The following NLRP2 variants were observed in gnomAD, a reference collection of about 807,000 sequenced individuals.
NLRP2 encodes NLR family pyrin domain containing 2, also known as NACHT, LRR and PYD domains-containing protein 2.
NLRP2 carries 107 observed loss-of-function variants against 97.2 expected under a neutral mutation model. The ratio of observed to expected loss-of-function variants is 1.10; its 90% CI spans 0.94 to 1.29. The LOEUF is 1.29. Among genes scored for constraint, NLRP2 ranks in the 50% most tolerant of loss-of-function variants. The probability of loss-of-function intolerance (pLI) is 0.00; values close to 1 mark genes in which losing one functional copy is unlikely to be tolerated. For synonymous variants in NLRP2, 663 were observed against 551.5 expected (o/e 1.20, Z -2.83); for missense variants, 1,495 against 1,330.3 (o/e 1.12, Z -1.93).
intron 8 of NLRP2, among the ~76,000 whole-genome samples, chr19:54,988,387 G>T (rs1481704884): frequency 6.6e-6 from 1 of 152,004 alleles, no homozygotes; most frequent in Non-Finnish European, 1.5e-5. Flanking sequence ...CTGCCTCCCG[G>T]GTTCAAGTGA....
chr19:54,977,665 A>G (rs1358553081), intron 3 of NLRP2, 87 bp from the exon 4 acceptor site: 1 of 1,259,238 alleles, frequency 7.9e-7, no homozygotes, highest in African/African-American at 1.5e-5. Flanking sequence ...AGGCTTCACT[A>G]CTGAGACTCA....
chr19:55,000,270 C>CTTT lies in NLRP2; in HGVS notation c.3051-453_3051-451dup, dbSNP rs1157138794. ...CCAGCTTGGGCAACAGAGAGACTGT[C>CTTT]TTTTTTTTTTTTTTTTTTTTTTTTT... On this transcript the variant is annotated intron_variant, in intron 12 of 12. Transcript: ENST00000448584. Among the ~76,000 whole-genome samples the CTTT allele has an allele frequency of 2.5e-3, 90 of 36,024 alleles. 33 individuals carry two copies. The highest frequency in any genetic ancestry group is 8.9e-3 in the East Asian group (6 of 674). The allele number at this position is 36,024 out of a possible 152,430, so 23.6% of individuals were successfully genotyped here.
chr19:54,982,834 T>C lies in NLRP2; in HGVS notation c.1136T>C (p.Met379Thr), dbSNP rs750160790. 8.1e-6 allele frequency: 13 copies of C among 1,613,512 alleles called. No individual in the cohort carries two copies. The South Asian group carries it at 9.9e-5, about 12-fold the overall frequency. ...LRHFGDEDQA[M>T]RAFELMRSNA... The stretch of plus-strand genomic sequence containing the variant: ...CACTTTGGAGACGAGGACCAAGCCA[T>C]GCGTGCCTTTGAGCTAATGAGGAGC... The change falls in exon 6 of 13, where the codon ATG (methionine) becomes ACG (threonine). Residue 379 changes from methionine (M) to threonine (T), a missense_variant. Physicochemically the swap from Met to Thr is moderately conservative, Grantham distance 81. Coordinates refer to ENST00000448584, the MANE Select transcript of NLRP2 (RefSeq NM_017852.5).
intron 3 of NLRP2, among the ~76,000 whole-genome samples, chr19:54,975,919 A>G (rs887535179): frequency 6.7e-6 from 1 of 148,480 alleles, no homozygotes; most frequent in South Asian, 2.1e-4. Flanking sequence ...CCTGACTAAT[A>G]TTTGTATTTT....
intron 12 of NLRP2, 115 bp from the exon 13 acceptor site, chr19:55,000,645 T>A: frequency 2.0e-6 from 2 of 1,001,996 alleles, no homozygotes; most frequent in Non-Finnish European, 3.1e-6. Context: ...CCTAGAATAA[T>A]CAGGAAAGGT....
At chr19:54,995,679 A>AT (rs2072769368) in intron 11 of NLRP2, among the ~76,000 whole-genome samples, 1 of 152,032 alleles carries the variant, frequency 6.6e-6, no homozygotes, top group Non-Finnish European at 1.5e-5. Flanking sequence ...TATCTTACAA[A>AT]TACCTTGTGA....
rs756558130 is a variant in NLRP2 at position 54,986,271 on chromosome 19, G to C, written c.2322G>C (p.Leu774Phe). Reference sequence around the variant, plus strand: ...ACCAGGATGATATGTTTCCCGCATTGTGTGAGGTCTTGAGACATCCAGAAT... The same window carrying C: ...ACCAGGATGATATGTTTCCCGCATTCTGTGAGGTCTTGAGACATCCAGAAT... Reference protein sequence around the residue: ...GNDQDDMFPALCEVLRHPECN... With the variant: ...GNDQDDMFPAFCEVLRHPECN... The change falls in exon 8 of 13, where the codon TTG (leucine) becomes TTC (phenylalanine). Residue 774 changes from leucine (L) to phenylalanine (F), a missense_variant. Coordinates refer to ENST00000448584, the MANE Select transcript of NLRP2 (RefSeq NM_017852.5). 1 of 1,613,962 alleles carries C rather than the reference G, an allele frequency of 6.2e-7. No individual in the cohort carries two copies. The highest frequency in any genetic ancestry group is 1.3e-5 in the African/African-American group (1 of 74,916).
At chr19:54,985,312 C>CT (rs2071984374) in intron 7 of NLRP2, 95 bp downstream of exon 7, 1 of 1,171,890 alleles carries the variant, frequency 8.5e-7, no homozygotes, top group Admixed American at 1.7e-5. Flanking sequence ...GTACTAGACT[C>CT]TTAAGTGCTC....
In NLRP2 at chr19:54,986,061, A is replaced by T; in HGVS notation, c.2202-90A>T. The T allele has an allele frequency of 3.4e-6, 3 of 881,964 alleles. No homozygotes were observed. The South Asian group carries it at 4.2e-5, about 12-fold the overall frequency. 54.6% of individuals were successfully genotyped at this position (881,964 alleles called of 1,614,324 possible). A position where few individuals can be genotyped will look rare whatever the true frequency, so the allele number is the denominator to read the frequency against. ...TTTAAACATGGAAAAAATAGTTCCT[A>T]AAGTTTAAATATATCGAGCCCCTGG... is the stretch of plus-strand genomic sequence containing the variant. On this transcript the variant is annotated intron_variant, in intron 7 of 12. Transcript: ENST00000448584.
At chr19:54,986,126 T>C in intron 7 of NLRP2, 25 bp from the exon 8 acceptor site, 5 of 1,570,086 alleles carry the variant, frequency 3.2e-6, no homozygotes, top group Non-Finnish European at 3.5e-6. Flanking sequence ...CACTAAAGAT[T>C]TCACTTTCGT....
Position 54,983,637 on chromosome 19 carries a change from T to C in NLRP2, c.1939T>C (p.Cys647Arg). ...VVPSSFCVKHCRNLQKMSLQV... is the reference protein window; with the variant it reads ...VVPSSFCVKHRRNLQKMSLQV... ...GCCATCTTCATTCTGCGTCAAGCAC[T>C]GTCGAAACCTGCAGAAAATGTCACT... Residue 647 changes from cysteine (C) to arginine (R), a missense_variant, in exon 6 of 13, where the codon TGT (cysteine) becomes CGT (arginine). Physicochemically the swap from Cys to Arg is radical, Grantham distance 180 (BLOSUM62 -3). Coordinates refer to ENST00000448584, the MANE Select transcript of NLRP2 (RefSeq NM_017852.5). The C allele has an allele frequency of 1.2e-6, 2 of 1,614,148 alleles. No homozygotes were observed. Among genetic ancestry groups the C allele is most frequent in the Non-Finnish European group, 8.5e-7 (1 of 1,180,030 alleles).
intron 10 of NLRP2, chr19:54,993,886 G>A (rs1165776161): frequency 6.5e-6 from 2 of 308,104 alleles, no homozygotes; most frequent in East Asian, 1.5e-4. Flanking sequence ...TTGGCTTGTG[G>A]CCCTTCCTCC....
rs1443562977 is a variant in NLRP2, at chr19:54,975,122, T to G, written c.325+578T>G. ...CCCGGTTTTGTTTTTTTTTTTTTTTTTTTTTTTTTTTTTTTTTTTTTGAAA... is the reference window on the plus strand; with the variant it reads ...CCCGGTTTTGTTTTTTTTTTTTTTTGTTTTTTTTTTTTTTTTTTTTTGAAA... On this transcript the variant is annotated intron_variant, in intron 3 of 12. Transcript: ENST00000448584. Among the ~76,000 whole-genome samples, 50 of 93,610 alleles carry G rather than the reference T, an allele frequency of 5.3e-4. 1 individual carries two copies. The highest frequency in any genetic ancestry group is 4.5e-3 in the Middle Eastern group (1 of 220). The allele number at this position is 93,610 out of a possible 152,430, so 61.4% of individuals were successfully genotyped here.
chr19:54,975,355 C>G (rs1233814279), intron 3 of NLRP2, among the ~76,000 whole-genome samples: 2 of 144,124 alleles, frequency 1.4e-5, no homozygotes, highest in Non-Finnish European at 3.0e-5. Flanking sequence ...TTACTAAACT[C>G]AATCAGTCCT....
At chr19:54,988,720 ATGT>A (rs1354993165) in intron 8 of NLRP2, among the ~76,000 whole-genome samples, 2 of 152,086 alleles carry the variant, frequency 1.3e-5, no homozygotes, top group Non-Finnish European at 2.9e-5. Context: ...GGGTTTCATC[ATGT>A]TGTTCCGGCT....
At chr19:54,974,645 T>TTA (rs2071082068) in intron 3 of NLRP2, 101 bp downstream of exon 3, 1 of 901,392 alleles carries the variant, frequency 1.1e-6, no homozygotes, top group African/African-American at 1.7e-5. Flanking sequence ...TGCAAAGAAA[T>TTA]GCCGGACTTA....
chr19:54,970,518 G>A (rs979294127), intron 2 of NLRP2, among the ~76,000 whole-genome samples: 2 of 151,958 alleles, frequency 1.3e-5, no homozygotes, highest in Non-Finnish European at 2.9e-5. Flanking sequence ...TGCTGGACGT[G>A]GTGGCAGACA....
chr19:54,974,399 A>AC (rs1329897494), intron 2 of NLRP2, 101 bp from the exon 3 acceptor site: 2 of 871,290 alleles, frequency 2.3e-6, no homozygotes, highest in East Asian at 4.8e-5. Flanking sequence ...AGAGAAAGGA[A>AC]CAAGTGATCC....
chr19:54,981,382 G>C (rs931040601), intron 4 of NLRP2, among the ~76,000 whole-genome samples: 2 of 151,838 alleles, frequency 1.3e-5, no homozygotes, highest in African/African-American at 2.4e-5. Flanking sequence ...GGCCAGGCTG[G>C]TCTCGAACTC....
Sources: gnomAD v4.1 joint callset for allele counts (sites outside exome capture counted in the v4.1 genomes callset) on GRCh38, gnomAD v4.1.1 for gene constraint, MANE v1.5 for transcripts, NCBI Gene and HGNC (gene_info 2026-07-23, HGNC 2026-07-21) for gene names.